Variants in DLG2 observed in about 807,000 individuals in gnomAD.
The protein encoded by DLG2 is disks large homolog 2.
DLG2 carries 45 observed loss-of-function variants against 132.5 expected under a neutral mutation model. That is an observed-to-expected ratio of 0.34 (90% CI 0.27 to 0.44). DLG2 has a LOEUF of 0.44. DLG2 is among the 20% of genes least tolerant of loss of function. The pLI, the probability that DLG2 is intolerant of heterozygous loss-of-function variation, is 1.00. For missense variants in DLG2, 1,045 were observed against 1,196.9 expected (o/e 0.87, Z 1.87); for synonymous variants, 424 against 419.6 (o/e 1.01, Z -0.13).
rs373128240 is a variant in DLG2, at chr11:84,342,459, G to C, written c.520-91168C>G. Reference sequence around the variant, plus strand: ...ATGGGTGTTATATTTTTAATAATTTGTGAATCAGAGGTGGAGTGGAGAGTA... The same window carrying C: ...ATGGGTGTTATATTTTTAATAATTTCTGAATCAGAGGTGGAGTGGAGAGTA... On this transcript the variant is annotated intron_variant, in intron 7 of 27. Transcript: ENST00000376104. Among the ~76,000 whole-genome samples the C allele has an allele frequency of 3.2e-3, 485 of 152,216 alleles. 1 individual carries two copies. Among genetic ancestry groups the C allele is most frequent in the African/African-American group, 0.011 (462 of 41,542 alleles).
At chr11:85,599,122 A>G (rs912854055) in intron 2 of DLG2, among the ~76,000 whole-genome samples, 5 of 152,118 alleles carry the variant, frequency 3.3e-5, no homozygotes, top group Non-Finnish European at 7.4e-5. Context: ...AATAATATCC[A>G]ACTTCCTTAA....
At chr11:83,686,184 G>A (rs999904553) in intron 18 of DLG2, among the ~76,000 whole-genome samples, 4 of 151,976 alleles carry the variant, frequency 2.6e-5, no homozygotes, top group African/African-American at 9.7e-5. Flanking sequence ...AACACTCCTT[G>A]CTCAGCTCCC....
chr11:84,056,559 T>C (rs1017677479), intron 11 of DLG2, among the ~76,000 whole-genome samples: 4 of 152,140 alleles, frequency 2.6e-5, no homozygotes, highest in African/African-American at 9.7e-5. Context: ...CACTCCAGGG[T>C]GCATAAGAGT....
intron 16 of DLG2, among the ~76,000 whole-genome samples, chr11:83,871,627 TC>T (rs2063456419): frequency 8.4e-5 from 2 of 23,676 alleles, no homozygotes; most frequent in Admixed American, 6.5e-4. Flanking sequence ...AAAATAACTT[TC>T]CCACTATGTG....
At chr11:84,320,986 A>T (rs1362321704) in intron 7 of DLG2, among the ~76,000 whole-genome samples, 1 of 152,224 alleles carries the variant, frequency 6.6e-6, no homozygotes, top group Non-Finnish European at 1.5e-5. Context: ...TTTCTTAAAG[A>T]TTCTGAAAGA....
intron 3 of DLG2, among the ~76,000 whole-genome samples, chr11:85,379,531 G>C (rs2085703158): frequency 1.3e-5 from 2 of 152,130 alleles, no homozygotes; most frequent in Admixed American, 6.6e-5. Flanking sequence ...CCCAAAACAA[G>C]TCTCTTCTTA....
intron 6 of DLG2, among the ~76,000 whole-genome samples, chr11:84,803,065 CTG>C (rs2075607230): frequency 6.6e-6 from 1 of 152,212 alleles, no homozygotes; most frequent in Non-Finnish European, 1.5e-5. Flanking sequence ...TCCCAAAGTT[CTG>C]TGTTTACTGG....
chr11:85,267,489 T>C (rs2077285084), intron 4 of DLG2, among the ~76,000 whole-genome samples: 1 of 152,176 alleles, frequency 6.6e-6, no homozygotes, highest in South Asian at 2.1e-4. Flanking sequence ...CTCACTTATT[T>C]CTATACCCCC....
At chr11:84,683,534 G>T (rs2099735384) in intron 6 of DLG2, among the ~76,000 whole-genome samples, 1 of 152,128 alleles carries the variant, frequency 6.6e-6, no homozygotes, top group Non-Finnish European at 1.5e-5. Flanking sequence ...CATAATAGTT[G>T]CTGAAAATAC....
At chr11:85,320,130 T>C (rs1213656791) in intron 3 of DLG2, among the ~76,000 whole-genome samples, 1 of 151,900 alleles carries the variant, frequency 6.6e-6, no homozygotes, top group African/African-American at 2.4e-5. Context: ...TCCCTCAGCA[T>C]CATCCTGTAG....
chr11:83,957,147 G>A (rs972282321), intron 14 of DLG2, among the ~76,000 whole-genome samples: 1 of 152,196 alleles, frequency 6.6e-6, no homozygotes, highest in Non-Finnish European at 1.5e-5. Flanking sequence ...TTCTACCTCA[G>A]AGCCTGAGGA....
At chr11:84,734,616 G>A (rs2063585607) in intron 6 of DLG2, among the ~76,000 whole-genome samples, 1 of 152,126 alleles carries the variant, frequency 6.6e-6, no homozygotes, top group Non-Finnish European at 1.5e-5. Flanking sequence ...TTTCCCAATT[G>A]AATACCCTTT....
chr11:83,959,821 T>A (rs2088016320), intron 14 of DLG2, among the ~76,000 whole-genome samples: 1 of 151,978 alleles, frequency 6.6e-6, no homozygotes, highest in Non-Finnish European at 1.5e-5. Context: ...TTACTTAACC[T>A]CTCTGAGAAT....
intron 3 of DLG2, among the ~76,000 whole-genome samples, chr11:85,494,699 A>G (rs1361272553): frequency 6.6e-6 from 1 of 152,148 alleles, no homozygotes; most frequent in African/African-American, 2.4e-5. Flanking sequence ...ATAAATTAGT[A>G]TTTCAAAAGC....
intron 8 of DLG2, among the ~76,000 whole-genome samples, chr11:84,175,071 C>A (rs1381625021): frequency 6.6e-6 from 1 of 152,136 alleles, no homozygotes; most frequent in East Asian, 1.9e-4. Context: ...AAAGTATGTG[C>A]TCAATATAAA....
chr11:84,377,238 G>C (rs772516773), intron 7 of DLG2, among the ~76,000 whole-genome samples: 2 of 151,670 alleles, frequency 1.3e-5, no homozygotes, highest in Non-Finnish European at 2.9e-5. Flanking sequence ...TACACCAAAA[G>C]AAAACAATTC....
At chr11:84,838,540 A>G (rs1042385010) in intron 6 of DLG2, among the ~76,000 whole-genome samples, 2 of 151,994 alleles carry the variant, frequency 1.3e-5, no homozygotes, top group African/African-American at 4.8e-5. Context: ...AAATTTGGCA[A>G]TATGCGTGAA....
chr11:85,503,119 CAAACT>C lies in DLG2; in HGVS notation c.40+95533_40+95537del, dbSNP rs145451146. On this transcript the variant is annotated intron_variant, in intron 3 of 27. Coordinates refer to ENST00000376104, the MANE Select transcript of DLG2 (RefSeq NM_001142699.3). ...AATTTATATAACATTCATAAACAAG[CAAACT>C]AAACTATATATTTTAGGGATACCTA... Among the ~76,000 whole-genome samples, 198 of 152,150 alleles carry C rather than the reference CAAACT, an allele frequency of 1.3e-3. 1 individual carries two copies. The highest frequency in any genetic ancestry group is 4.6e-3 in the African/African-American group (191 of 41,536).
chr11:85,023,605 AACAC>A (rs1222846982), intron 6 of DLG2, among the ~76,000 whole-genome samples: 1 of 152,108 alleles, frequency 6.6e-6, no homozygotes, highest in African/African-American at 2.4e-5. Context: ...ACTCTCAAGA[AACAC>A]ACAGAAGACT....
Sources: gnomAD v4.1 joint callset for allele counts (sites outside exome capture counted in the v4.1 genomes callset) on GRCh38, gnomAD v4.1.1 for gene constraint, MANE v1.5 for transcripts, NCBI Gene and HGNC (gene_info 2026-07-23, HGNC 2026-07-21) for gene names.